Variants in FGF12 observed in about 807,000 individuals in gnomAD.
The protein encoded by FGF12 is fibroblast growth factor 12.
Under a neutral mutation model 23.6 loss-of-function variants are expected in FGF12, and 14 were observed. That is an observed-to-expected ratio of 0.59 (90% CI 0.39 to 0.93). The LOEUF is 0.93. Ranked by LOEUF, FGF12 falls within the 40% of genes least tolerant of loss-of-function variation. FGF12 has a pLI of 0.00. For missense variants in FGF12, 175 were observed against 217.8 expected, an observed-to-expected ratio of 0.80 and a Z score of 1.24; for synonymous variants, 62 against 77.3, an observed-to-expected ratio of 0.80 and a Z score of 1.04.
intron 4 of FGF12, among the ~76,000 whole-genome samples, chr3:192,228,049 G>C (rs2108580618): frequency 6.6e-6 from 1 of 152,204 alleles, no homozygotes; most frequent in South Asian, 2.1e-4. Flanking sequence ...GTTTTGATCA[G>C]ACAGGAGGAA....
At chr3:192,357,652 G>T (rs1336961235) in intron 3 of FGF12, among the ~76,000 whole-genome samples, 2 of 151,788 alleles carry the variant, frequency 1.3e-5, no homozygotes, top group Non-Finnish European at 2.9e-5. Context: ...ACTTTGTATT[G>T]AGTGCTTACT....
chr3:192,273,658 T>A (rs991998154), intron 4 of FGF12, among the ~76,000 whole-genome samples: 15 of 152,162 alleles, frequency 9.9e-5, no homozygotes, highest in Non-Finnish European at 1.6e-4. Context: ...ACACCCTCAG[T>A]AAATATTAAA....
chr3:192,528,384 G>A (rs573842504), intron 2 of FGF12, among the ~76,000 whole-genome samples: 41 of 152,296 alleles, frequency 2.7e-4, no homozygotes, highest in African/African-American at 9.9e-4. Context: ...GATGCAAGAG[G>A]TGGGTCCCCA....
chr3:192,374,613 G>T (rs757524239), intron 2 of FGF12, among the ~76,000 whole-genome samples: 2 of 152,154 alleles, frequency 1.3e-5, no homozygotes, highest in Non-Finnish European at 2.9e-5. Context: ...TGCTTACCAT[G>T]AGCCAGGGAC....
intron 4 of FGF12, among the ~76,000 whole-genome samples, chr3:192,190,591 T>G (rs1305891982): frequency 6.8e-6 from 1 of 147,826 alleles, no homozygotes; most frequent in Non-Finnish European, 1.5e-5. Flanking sequence ...TTCTCCTGCC[T>G]CAGCCTCCCG....
At chr3:192,399,034 A>C (rs1055979091) in intron 2 of FGF12, among the ~76,000 whole-genome samples, 1 of 152,144 alleles carries the variant, frequency 6.6e-6, no homozygotes, top group Admixed American at 6.5e-5. Context: ...TGAAGTTTTC[A>C]TCAAGAAGAC....
intron 2 of FGF12, among the ~76,000 whole-genome samples, chr3:192,530,231 G>T (rs1725052307): frequency 6.6e-6 from 1 of 151,970 alleles, no homozygotes; most frequent in African/African-American, 2.4e-5. Context: ...ACTGGACCTA[G>T]GATTACCTCT....
intron 2 of FGF12, among the ~76,000 whole-genome samples, chr3:192,392,756 C>T (rs1720363492): frequency 6.6e-6 from 1 of 152,060 alleles, no homozygotes; most frequent in Admixed American, 6.5e-5. Context: ...TTGTTTTTTT[C>T]TCTATTGACC....
chr3:192,697,992 CT>C (rs140473560), intron 2 of FGF12, among the ~76,000 whole-genome samples: 2,087 of 149,330 alleles, frequency 0.014, 52 homozygotes, highest in African/African-American at 0.049. Context: ...CTTGCCTGAT[CT>C]TTTTTTTTTC....
chr3:192,452,264 T>A (rs145840065), intron 2 of FGF12, among the ~76,000 whole-genome samples: 24 of 152,334 alleles, frequency 1.6e-4, no homozygotes, highest in African/African-American at 5.3e-4. Context: ...GTTGACCATG[T>A]GAATTTTAAC....
chr3:192,387,661 A>G (rs1409884416), intron 2 of FGF12, among the ~76,000 whole-genome samples: 1 of 151,804 alleles, frequency 6.6e-6, no homozygotes, highest in Non-Finnish European at 1.5e-5. Context: ...AGCCTGGGCA[A>G]TATGGCAAAA....
chr3:192,502,311 T>TA (rs941902229), intron 2 of FGF12, among the ~76,000 whole-genome samples: 8 of 152,230 alleles, frequency 5.3e-5, no homozygotes, highest in African/African-American at 1.9e-4. Context: ...TAAGCAGACT[T>TA]AAAAATTTTT....
At chr3:192,258,474 A>G (rs919586423) in intron 4 of FGF12, among the ~76,000 whole-genome samples, 5 of 152,164 alleles carry the variant, frequency 3.3e-5, no homozygotes, top group African/African-American at 1.2e-4. Context: ...AAATAAATAC[A>G]TAAATAAAAT....
chr3:192,277,533 T>C (rs1415957200), intron 4 of FGF12, among the ~76,000 whole-genome samples: 1 of 152,054 alleles, frequency 6.6e-6, no homozygotes, highest in Non-Finnish European at 1.5e-5. Context: ...TCACATGAAG[T>C]TTTTGGTCCA....
At chr3:192,423,277 T>A (rs1000049552) in intron 2 of FGF12, among the ~76,000 whole-genome samples, 11 of 152,172 alleles carry the variant, frequency 7.2e-5, no homozygotes, top group African/African-American at 2.4e-4. Context: ...CTAAAATGTG[T>A]GAGTGTTTTA....
chr3:192,163,685 T>C (rs1003425310), intron 5 of FGF12, among the ~76,000 whole-genome samples: 1 of 152,152 alleles, frequency 6.6e-6, no homozygotes, highest in African/African-American at 2.4e-5. Context: ...TGTTAGCTTC[T>C]AGGAACACTA....
At chr3:192,720,881 C>A (rs1354365775) in intron 2 of FGF12, among the ~76,000 whole-genome samples, 1 of 152,162 alleles carries the variant, frequency 6.6e-6, no homozygotes, top group Non-Finnish European at 1.5e-5. Context: ...TACAGGATGT[C>A]TGGTGGTTCT....
intron 2 of FGF12, among the ~76,000 whole-genome samples, chr3:192,413,544 G>C (rs1576964033): frequency 6.6e-6 from 1 of 152,110 alleles, no homozygotes; most frequent in African/African-American, 2.4e-5. Context: ...TTTAAATTAA[G>C]TCCCTGCCAT....
intron 2 of FGF12, among the ~76,000 whole-genome samples, chr3:192,513,761 T>A (rs1428486110): frequency 6.6e-6 from 1 of 152,164 alleles, no homozygotes; most frequent in Non-Finnish European, 1.5e-5. Context: ...TGTATTAGGG[T>A]GTCATTGTTC....
Sources: allele counts gnomAD v4.1 joint callset (sites outside exome capture counted in the v4.1 genomes callset), GRCh38; gene constraint gnomAD v4.1.1; transcripts MANE v1.5; gene names NCBI Gene and HGNC (gene_info 2026-07-23, HGNC 2026-07-21).